The following GPA33 variants were observed in gnomAD, a reference collection of about 807,000 sequenced individuals.
GPA33 encodes cell surface A33 antigen.
Under a neutral mutation model 35.6 loss-of-function variants are expected in GPA33, and 27 were observed. That is an observed-to-expected ratio of 0.76 (90% confidence interval 0.56 to 1.04). The LOEUF (loss-of-function observed/expected upper bound fraction) is 1.04, where lower values mean the gene tolerates loss of function less well. Among genes scored for constraint, GPA33 ranks in the 50% least tolerant of loss-of-function variants. GPA33 has a pLI of 0.00. For synonymous variants in GPA33, 176 were observed against 164.0 expected (o/e 1.07, Z -0.56); for missense variants, 428 against 411.9 (o/e 1.04, Z -0.34).
intron 1 of GPA33, among the ~76,000 whole-genome samples, chr1:167,076,559 C>T (rs961060580): frequency 6.6e-6 from 1 of 152,120 alleles, no homozygotes; most frequent in Non-Finnish European, 1.5e-5. Flanking sequence ...GGGAAGCATT[C>T]GGGTTGTTCA....
chr1:167,067,526 G>T (rs904954175), intron 3 of GPA33, among the ~76,000 whole-genome samples: 2 of 152,198 alleles, frequency 1.3e-5, no homozygotes, highest in Non-Finnish European at 2.9e-5. Context: ...TAATGCTTAT[G>T]TGGAGGATTT....
intron 4 of GPA33, among the ~76,000 whole-genome samples, chr1:167,056,471 G>A (rs1466509612): frequency 6.7e-6 from 1 of 149,850 alleles, no homozygotes; most frequent in East Asian, 2.0e-4. Flanking sequence ...GTGTGTCAGT[G>A]TGTGTGGTGT....
intron 4 of GPA33, among the ~76,000 whole-genome samples, chr1:167,061,684 G>T (rs946696590): frequency 1.4e-5 from 2 of 138,204 alleles, no homozygotes; most frequent in Non-Finnish European, 3.0e-5. Context: ...CTCACTGCAA[G>T]CTCCGCCTCC....
intron 1 of GPA33, among the ~76,000 whole-genome samples, chr1:167,083,463 A>G (rs1666993146): frequency 6.6e-6 from 1 of 152,238 alleles, no homozygotes; most frequent in Non-Finnish European, 1.5e-5. Flanking sequence ...CCTATCCAGC[A>G]AACGGCTGCT....
At chr1:167,066,276 A>G (rs1666590712) in intron 3 of GPA33, among the ~76,000 whole-genome samples, 1 of 152,230 alleles carries the variant, frequency 6.6e-6, no homozygotes, top group African/African-American at 2.4e-5. Context: ...ACTGAGGCCT[A>G]CTGGCATCTA....
At chr1:167,068,899 C>T in intron 3 of GPA33, 23 bp downstream of exon 3, 1 of 1,593,108 alleles carries the variant, frequency 6.3e-7, no homozygotes, top group South Asian at 1.1e-5. Flanking sequence ...CCTACAACTC[C>T]TGAAAGACAT....
At chr1:167,088,262 G>A (rs1257345921) in intron 1 of GPA33, among the ~76,000 whole-genome samples, 2 of 152,196 alleles carry the variant, frequency 1.3e-5, no homozygotes, top group African/African-American at 4.8e-5. Context: ...CAAAGGAAGA[G>A]GTGGTATCCT....
intron 4 of GPA33, among the ~76,000 whole-genome samples, chr1:167,061,613 T>TTTTG (rs1666446163): frequency 8.1e-6 from 1 of 124,156 alleles, no homozygotes. Flanking sequence ...TTTTTTTTTT[T>TTTTG]GAGACGGAGT....
intron 1 of GPA33, among the ~76,000 whole-genome samples, chr1:167,075,246 A>G (rs1346387288): frequency 6.6e-6 from 1 of 152,142 alleles, no homozygotes; most frequent in Non-Finnish European, 1.5e-5. Flanking sequence ...TGGGGTGAAC[A>G]GATAGAAGTG....
At chr1:167,088,318 C>T (rs998213776) in intron 1 of GPA33, among the ~76,000 whole-genome samples, 1 of 152,284 alleles carries the variant, frequency 6.6e-6, no homozygotes, top group Admixed American at 6.5e-5. Context: ...TTTTGGTCGA[C>T]CTTTGAAGGT....
rs1031028265 is a variant in GPA33, at chr1:167,055,701, TCAGCCCTCCCCCCG to T, written c.691+15_691+28del. On this transcript the variant is annotated intron_variant, in intron 5 of 6. Coordinates refer to ENST00000367868, the MANE Select transcript of GPA33 (RefSeq NM_005814.3). ...CCCACCAGTTATCCTGTGGCGTTTG[TCAGCCCTCCCCCCG>T]CAGGCTGCTCTTACGAGATCTGACG... 4.3e-6 allele frequency: 7 copies of T among 1,612,192 alleles called. No homozygotes were observed. The highest frequency in any genetic ancestry group is 1.7e-6 in the Non-Finnish European group (2 of 1,179,072).
intron 4 of GPA33, among the ~76,000 whole-genome samples, chr1:167,056,815 GGC>G (rs1558002169): frequency 1.2e-3 from 107 of 89,080 alleles, no homozygotes; most frequent in East Asian, 1.4e-3. Context: ...GTGTGTATGT[GGC>G]AGCGTTTGTA....
intron 2 of GPA33, among the ~76,000 whole-genome samples, chr1:167,070,888 G>A (rs1295247518): frequency 1.3e-5 from 2 of 152,124 alleles, no homozygotes; most frequent in Non-Finnish European, 2.9e-5. Flanking sequence ...TTTTTGGCTT[G>A]GATATTTGGT....
At chr1:167,076,535 G>A (rs1237417389) in intron 1 of GPA33, among the ~76,000 whole-genome samples, 1 of 152,124 alleles carries the variant, frequency 6.6e-6, no homozygotes, top group African/African-American at 2.4e-5. Flanking sequence ...AATGCAAATC[G>A]CTCCTGGGAA....
intron 3 of GPA33, among the ~76,000 whole-genome samples, chr1:167,065,532 C>G (rs34446188): frequency 6.6e-6 from 1 of 152,146 alleles, no homozygotes; most frequent in Admixed American, 6.5e-5. Flanking sequence ...ATGGCTTGCT[C>G]GCTCAATAAA....
Position 167,054,967 on chromosome 1 carries a change from G to A in GPA33, c.827+9C>T. On this transcript the variant is annotated intron_variant, in intron 6 of 6. Coordinates refer to ENST00000367868, the MANE Select transcript of GPA33 (RefSeq NM_005814.3). ...ACCCTTCCAACAGGCTACCAGCCCA[G>A]ACACTCACGGCCTTGCATCCTCCTT... The A allele has an allele frequency of 6.2e-7, 1 of 1,614,018 alleles. No individual in the cohort carries two copies. Among genetic ancestry groups the A allele is most frequent in the South Asian group, 1.1e-5 (1 of 91,082 alleles).
intron 1 of GPA33, chr1:167,078,546 C>T (rs1267150505): frequency 6.6e-6 from 1 of 152,250 alleles, no homozygotes; most frequent in Non-Finnish European, 1.5e-5. Flanking sequence ...TGAACATCCC[C>T]TTCCAAGGAG....
intron 2 of GPA33, 35 bp from the exon 3 acceptor site, chr1:167,069,173 CA>C: frequency 6.8e-7 from 1 of 1,478,514 alleles, no homozygotes. Context: ...GGTCTTCACC[CA>C]AAGGCCCTTG....
At chr1:167,066,113 G>T (rs955962608) in intron 3 of GPA33, among the ~76,000 whole-genome samples, 2 of 152,162 alleles carry the variant, frequency 1.3e-5, no homozygotes, top group Non-Finnish European at 2.9e-5. Flanking sequence ...GGAAGCAAAG[G>T]CTTTATTCCA....
Sources: gnomAD v4.1 joint callset for allele counts (sites outside exome capture counted in the v4.1 genomes callset) on GRCh38, gnomAD v4.1.1 for gene constraint, MANE v1.5 for transcripts, NCBI Gene and HGNC (gene_info 2026-07-23, HGNC 2026-07-21) for gene names.